TMEM183A: variants seen among roughly 807,000 people sequenced by gnomAD.
TMEM183A encodes chromosome 1 open reading frame 37.
A neutral mutation model predicts 46.7 loss-of-function variants in TMEM183A; 21 were observed. The ratio of observed to expected loss-of-function variants is 0.45; its 90% confidence interval spans 0.32 to 0.65. The LOEUF (loss-of-function observed/expected upper bound fraction) is 0.65, where lower values mean the gene tolerates loss of function less well. Among genes scored for constraint, TMEM183A ranks in the 30% least tolerant of loss-of-function variants. The pLI is 0.04. For missense variants in TMEM183A, 331 were observed against 481.9 expected (o/e 0.69, Z 2.93); for synonymous variants, 165 against 180.2 (o/e 0.92, Z 0.68).
Position 203,016,016 on chromosome 1 carries a change from A to G in TMEM183A, c.584A>G (p.Lys195Arg), listed in dbSNP as rs760744206. The change falls in exon 5 of 8, where the codon AAG becomes AGG. Residue 195 changes from lysine to arginine, a missense_variant. Lys to Arg is a conservative substitution (Grantham distance 26). Around this residue, in one of 2 missense-constraint regions of TMEM183A, gnomAD observed 233 missense variants for 385.8 expected, o/e 0.60. Transcript: ENST00000367242. ...CGTCTGCGACCAGAGTCAATGGAGA[A>G]GCTGCGCTGTCTCCGGGCTTGTGTG... ...PLRLRPESME[K>R]LRCLRACVIR... is the part of the protein sequence containing the mutation. 1.9e-6 allele frequency: 3 copies of G among 1,614,062 alleles called. No homozygotes were observed. The highest frequency in any genetic ancestry group is 2.2e-5 in the South Asian group (2 of 91,084).
intron 2 of TMEM183A, 96 bp from the exon 3 acceptor site, chr1:203,008,547 C>T: frequency 1.9e-6 from 2 of 1,079,940 alleles, no homozygotes; most frequent in Non-Finnish European, 2.4e-6. Flanking sequence ...GTTTTTTTTC[C>T]CCCCTTTCCT....
intron 6 of TMEM183A, among the ~76,000 whole-genome samples, 166 bp downstream of exon 6, chr1:203,018,727 A>G (rs1657401854): frequency 6.6e-6 from 1 of 152,202 alleles, no homozygotes; most frequent in African/African-American, 2.4e-5. Context: ...GAAGTCCAAG[A>G]TCAAGGTACT....
At chr1:203,011,308 TG>T (rs763661868) in intron 3 of TMEM183A, among the ~76,000 whole-genome samples, 2 of 152,240 alleles carry the variant, frequency 1.3e-5, no homozygotes, top group Non-Finnish European at 2.9e-5. Flanking sequence ...AAAATTATAA[TG>T]GATGTGGATT....
intron 3 of TMEM183A, among the ~76,000 whole-genome samples, chr1:203,012,786 G>A (rs771592591): frequency 3.3e-5 from 5 of 152,152 alleles, no homozygotes; most frequent in Admixed American, 1.3e-4. Flanking sequence ...CTGGATTGCA[G>A]TGGTGCAGTC....
chr1:203,020,982 CTTTT>C (rs71142585), intron 7 of TMEM183A, 34 bp downstream of exon 7: 30,333 of 1,211,770 alleles, frequency 0.025, 1 homozygote, highest in Middle Eastern at 0.049. Flanking sequence ...TTCTCAGCTC[CTTTT>C]TTTTTTTTTT....
In TMEM183A at chr1:203,008,877, C is replaced by T. The variant is rs1656271373; in HGVS notation, c.367+67C>T. ...GGTGACAAATTGAAGATGTTACTTT[C>T]CCAGTAGCACAGGAGGAGATATAAG... On this transcript the variant is annotated intron_variant, in intron 3 of 7. Transcript: ENST00000367242. 2.1e-5 allele frequency: 30 copies of T among 1,424,642 alleles called. No homozygotes were observed. The South Asian group carries it at 3.7e-4, about 18-fold the overall frequency. The allele number at this position is 1,424,642 out of a possible 1,614,324, so 88.3% of individuals were successfully genotyped here. A position where few individuals can be genotyped will look rare whatever the true frequency, so the allele number is the denominator to read the frequency against.
intron 3 of TMEM183A, among the ~76,000 whole-genome samples, chr1:203,012,567 A>G (rs1015796505): frequency 1.3e-5 from 2 of 152,246 alleles, no homozygotes; most frequent in Middle Eastern, 3.4e-3. Flanking sequence ...TACTGATTCT[A>G]TTTCCTTCGT....
At chr1:203,015,776 A>G in intron 4 of TMEM183A, 184 bp from the exon 5 acceptor site, 1 of 671,042 alleles carries the variant, frequency 1.5e-6, no homozygotes, top group Non-Finnish European at 2.5e-6. Context: ...TGGATGGAGA[A>G]CTGCCGGATT....
intron 5 of TMEM183A, among the ~76,000 whole-genome samples, chr1:203,016,521 A>G (rs1394414758): frequency 6.6e-6 from 1 of 152,242 alleles, no homozygotes; most frequent in Non-Finnish European, 1.5e-5. Context: ...GAGGTATAAC[A>G]TGAACATCTC....
Position 203,024,480 on chromosome 1 carries a change from A to ATTTTTTTT in TMEM183A, c.*1445_*1446insTTTTTTTT, listed in dbSNP as rs111906628. On this transcript the variant is annotated 3_prime_UTR_variant, in exon 8 of 8. Transcript: ENST00000367242. ...TTGTGAGGCAAACTGCTAAATTCACATTTTTGTTTTTTTTTTTTTACCATC... is the reference window on the plus strand; with the variant it reads ...TTGTGAGGCAAACTGCTAAATTCACATTTTTTTTTTTTTGTTTTTTTTTTTTTACCATC... The ATTTTTTTT allele has an allele frequency of 7.0e-6, 1 of 143,278 alleles. No homozygotes were observed. The allele number at this position is 143,278 out of a possible 1,614,324, so 8.9% of individuals were successfully genotyped here.
At chr1:203,021,554 T>G (rs1571625771) in intron 7 of TMEM183A, among the ~76,000 whole-genome samples, 1 of 152,134 alleles carries the variant, frequency 6.6e-6, no homozygotes, top group Non-Finnish European at 1.5e-5. Flanking sequence ...GATTAATGAT[T>G]GAGAAACATT....
At chr1:203,021,298 T>C (rs1182577035) in intron 7 of TMEM183A, among the ~76,000 whole-genome samples, 1 of 152,154 alleles carries the variant, frequency 6.6e-6, no homozygotes, top group East Asian at 1.9e-4. Flanking sequence ...TCTCAAGTGC[T>C]GAGATTATAA....
chr1:203,012,310 T>TCAA (rs1179538268), intron 3 of TMEM183A, among the ~76,000 whole-genome samples: 2 of 146,414 alleles, frequency 1.4e-5, no homozygotes, highest in African/African-American at 5.0e-5. Context: ...AGATATACCA[T>TCAA]CATCTTTGTA....
chr1:203,011,209 T>C (rs749054533), intron 3 of TMEM183A, among the ~76,000 whole-genome samples: 9 of 152,302 alleles, frequency 5.9e-5, no homozygotes, highest in Non-Finnish European at 7.4e-5. Context: ...TTTTCCAAAG[T>C]GTGTGCATCG....
rs1276970250 is a variant in TMEM183A, at chr1:203,008,693, C to G, written c.250C>G (p.Leu84Val). 1.9e-6 allele frequency: 3 copies of G among 1,602,082 alleles called. No individual in the cohort carries two copies. The highest frequency in any genetic ancestry group is 1.3e-5 in the African/African-American group (1 of 74,130). ...CTCTCAGGTTCCTGCAGAGGAAGCT[C>G]TTTCTGGGGCTGGTGAGCCCTGTGA... ...EASQVPAEEALSGAGEPCDII... is the reference protein window; with the variant it reads ...EASQVPAEEAVSGAGEPCDII... The change falls in exon 3 of 8, where the codon CTT (leucine) becomes GTT (valine). Residue 84 changes from leucine (L) to valine (V), a missense_variant. By Grantham distance (32) the Leu-to-Val change is conservative. This residue lies in a region of TMEM183A where 233 missense variants were observed against 385.8 expected (regional missense o/e 0.60). Coordinates refer to ENST00000367242, the MANE Select transcript of TMEM183A (RefSeq NM_138391.6).
rs267598310 is a variant in TMEM183A, at chr1:203,022,942, C to T, written c.1033C>T (p.Arg345Cys). 2.0e-5 allele frequency: 33 copies of T among 1,612,642 alleles called. No individual in the cohort carries two copies. The highest frequency in any genetic ancestry group is 6.7e-5 in the Admixed American group (4 of 59,892). The change falls in exon 8 of 8, where the codon CGC becomes TGC. Residue 345 changes from arginine (R) to cysteine (C), a missense_variant. Around this residue, in one of 2 missense-constraint regions of TMEM183A, gnomAD observed 233 missense variants for 385.8 expected, o/e 0.60. Coordinates refer to ENST00000367242, the MANE Select transcript of TMEM183A (RefSeq NM_138391.6). ...CCCTGTCCATGGTGGTCGGAAACTG[C>T]GCAGTGAACAGGGTGTGCAAGTCAT... The part of the protein sequence containing the change: ...DSPVHGGRKL[R>C]SEQGVQVILD...
rs534496278 is a variant in TMEM183A, at chr1:203,018,486, A to G, written c.714A>G (p.Leu238=). 1.1e-5 allele frequency: 17 copies of G among 1,610,140 alleles called. No individual in the cohort carries two copies. The highest frequency in any genetic ancestry group is 6.6e-5 in the South Asian group (6 of 90,316). The part of the protein sequence containing the change: ...TPSTLKNSKC[L]LFWCRKIVGN... ...TTATTTTTACTTTCTTATAGTGCTT[A>G]CTTTTCTGGTGCAGAAAGATTGTTG... Residue 238 remains leucine (L), a synonymous_variant, in exon 6 of 8, where the codon TTA becomes TTG. Coordinates refer to ENST00000367242, the MANE Select transcript of TMEM183A (RefSeq NM_138391.6).
chr1:203,015,079 T>C (rs772717791), intron 4 of TMEM183A, 31 bp downstream of exon 4: 1 of 1,605,572 alleles, frequency 6.2e-7, no homozygotes, highest in Admixed American at 1.7e-5. Flanking sequence ...CTCTTTTATC[T>C]GTGTGGCTGA....
rs940377743 is a variant in TMEM183A, at chr1:203,013,275, G to A, written c.368-1614G>A. ...CTAGAAAAGCGGGGGCAACTTTGGG[G>A]AGATGGTGTAGGGGCTTTTTCCCCA... is the stretch of plus-strand genomic sequence containing the variant. On this transcript the variant is annotated intron_variant, in intron 3 of 7. Transcript: ENST00000367242. The surrounding 1 kb of genome is among the most constrained non-coding windows in gnomAD (Gnocchi z 4.0). 6.6e-6 allele frequency among the ~76,000 whole-genome samples: 1 copy of A among 152,204 alleles called. No homozygotes were observed. The highest frequency in any genetic ancestry group is 6.5e-5 in the Admixed American group (1 of 15,284).
Sources: allele counts gnomAD v4.1 joint callset (sites outside exome capture counted in the v4.1 genomes callset), GRCh38; gene constraint gnomAD v4.1.1; regional missense constraint gnomAD v4.1.1; non-coding constraint Gnocchi (gnomAD v3.1); transcripts MANE v1.5; gene names NCBI Gene and HGNC (gene_info 2026-07-23, HGNC 2026-07-21).